MEGF10: variants seen among roughly 807,000 people sequenced by gnomAD.
The protein encoded by MEGF10 is multiple epidermal growth factor-like domains protein 10.
In MEGF10, 86 loss-of-function variants were observed where a neutral mutation model predicts 147.5. The observed-to-expected ratio is 0.58, with a 90% CI of 0.49 to 0.70. The LOEUF (loss-of-function observed/expected upper bound fraction) is 0.70. MEGF10 is among the 30% of genes least tolerant of loss of function. MEGF10 has a pLI of 0.00. For missense variants in MEGF10, 1,329 were observed against 1,487.3 expected (o/e 0.89, Z 1.75); for synonymous variants, 478 against 525.5 (o/e 0.91, Z 1.24).
At chr5:127,365,084 T>C (rs1015250663) in intron 4 of MEGF10, among the ~76,000 whole-genome samples, 1 of 152,208 alleles carries the variant, frequency 6.6e-6, no homozygotes, top group African/African-American at 2.4e-5. Flanking sequence ...GAAAATAAGA[T>C]TTGTGACTTA....
intron 14 of MEGF10, among the ~76,000 whole-genome samples, chr5:127,434,458 C>G (rs891205382): frequency 6.6e-6 from 1 of 152,178 alleles, no homozygotes; most frequent in Non-Finnish European, 1.5e-5. Context: ...AAGACTAAGA[C>G]ATTTGCTTGC....
At chr5:127,309,994 T>TTTCTTTCTTTCTTTCTTTCTTTCCTTCC (rs781685715) in intron 1 of MEGF10, among the ~76,000 whole-genome samples, 2 of 56,814 alleles carry the variant, frequency 3.5e-5, no homozygotes, top group Non-Finnish European at 8.4e-5. Context: ...TCTTTCTTTC[T>TTTCTTTCTTTCTTTCTTTCTTTCCTTCC]TTCCTTCCTT....
chr5:127,309,664 C>T (rs934134231), intron 1 of MEGF10, among the ~76,000 whole-genome samples: 1 of 152,126 alleles, frequency 6.6e-6, no homozygotes, highest in African/African-American at 2.4e-5. Context: ...GTAGTATATA[C>T]CACATTGTGT....
At position 127,310,010 on chromosome 5, in the gene MEGF10, CTTTCTTTTT is replaced by C. The variant is rs1221465387; in HGVS notation, c.-19+18957_-19+18965del. Among the ~76,000 whole-genome samples the C allele has an allele frequency of 3.4e-3, 149 of 43,698 alleles. 4 individuals carry two copies. Among genetic ancestry groups the C allele is most frequent in the African/African-American group, 7.3e-3 (85 of 11,574 alleles). The allele number at this position is 43,698 out of a possible 152,430, so 28.7% of individuals were successfully genotyped here. ...CTTTCTTTCTTTCCTTCCTTCCTTCCTTTCTTTTTTTCTTTCTTTCTTTCCTTCTTTCTT... is the reference window on the plus strand; with the variant it reads ...CTTTCTTTCTTTCCTTCCTTCCTTCCTTCTTTCTTTCTTTCCTTCTTTCTT... On this transcript the variant is annotated intron_variant, in intron 1 of 24. Coordinates refer to ENST00000503335, the MANE Select transcript of MEGF10 (RefSeq NM_001256545.2).
intron 14 of MEGF10, among the ~76,000 whole-genome samples, chr5:127,434,420 A>T (rs1157797050): frequency 2.0e-5 from 3 of 152,190 alleles, no homozygotes; most frequent in Admixed American, 2.0e-4. Flanking sequence ...GACTTGAGCT[A>T]ACTGGGGCCT....
chr5:127,395,959 C>G (rs530023277), intron 5 of MEGF10, among the ~76,000 whole-genome samples: 2 of 152,256 alleles, frequency 1.3e-5, no homozygotes, highest in East Asian at 3.9e-4. Flanking sequence ...TCTCCCTTTT[C>G]ATGGTTACTG....
At chr5:127,329,492 T>A (rs1328049102) in intron 1 of MEGF10, among the ~76,000 whole-genome samples, 1 of 152,204 alleles carries the variant, frequency 6.6e-6, no homozygotes, top group Non-Finnish European at 1.5e-5. Context: ...ATTTGAATGA[T>A]AAACTATTTC....
intron 2 of MEGF10, 28 bp from the exon 3 acceptor site, chr5:127,339,092 G>A (rs1007453972): frequency 3.5e-6 from 5 of 1,430,990 alleles, no homozygotes; most frequent in Admixed American, 3.5e-5. Flanking sequence ...GAGAAATACT[G>A]ATTTCTTATT....
At chr5:127,234,658 C>A in the MEGF10 span, among the ~76,000 whole-genome samples, 1 of 152,308 alleles carries the variant, frequency 6.6e-6, no homozygotes. Flanking sequence ...TCACATAGAT[C>A]ATACTGAATT....
chr5:127,307,526 T>C (rs1760069975), intron 1 of MEGF10, among the ~76,000 whole-genome samples: 1 of 152,204 alleles, frequency 6.6e-6, no homozygotes, highest in African/African-American at 2.4e-5. Flanking sequence ...CTAATATCTG[T>C]GGGGCAGCTG....
chr5:127,343,702 G>A lies in MEGF10; in HGVS notation c.319+3072G>A, dbSNP rs145043207. ...ATGGTGGCTCATGCCTGTAATCCCA[G>A]CACTTTGGGAGGCTAAGGTGGGAGG... On this transcript the variant is annotated intron_variant, in intron 4 of 24. Coordinates refer to ENST00000503335, the MANE Select transcript of MEGF10 (RefSeq NM_001256545.2). Among the ~76,000 whole-genome samples, 973 of 152,200 alleles carry A rather than the reference G, an allele frequency of 6.4e-3. 12 individuals are homozygous for A. The highest frequency in any genetic ancestry group is 0.023 in the African/African-American group (936 of 41,546).
chr5:127,248,982 TTCA>T, the MEGF10 span, among the ~76,000 whole-genome samples: 1 of 151,854 alleles, frequency 6.6e-6, no homozygotes, highest in Admixed American at 6.6e-5. Flanking sequence ...CTAAAGAAAG[TTCA>T]TCAAGCTGAA....
At chr5:127,423,840 C>T (rs753256384) in intron 13 of MEGF10, among the ~76,000 whole-genome samples, 33 of 151,566 alleles carry the variant, frequency 2.2e-4, no homozygotes, top group Non-Finnish European at 4.1e-4. Flanking sequence ...TTTTTCCTTT[C>T]TTGATGATGA....
At chr5:127,276,735 T>C in the MEGF10 span, among the ~76,000 whole-genome samples, 1 of 152,124 alleles carries the variant, frequency 6.6e-6, no homozygotes, top group Non-Finnish European at 1.5e-5. Flanking sequence ...AGGCAAAGAT[T>C]AAGAAGTTTT....
At chr5:127,328,743 G>A (rs1761140831) in intron 1 of MEGF10, among the ~76,000 whole-genome samples, 1 of 151,554 alleles carries the variant, frequency 6.6e-6, no homozygotes. Context: ...TGGGGTAATT[G>A]TTTATGAGTA....
intron 4 of MEGF10, among the ~76,000 whole-genome samples, chr5:127,369,637 AG>A (rs1762781329): frequency 6.6e-6 from 1 of 152,232 alleles, no homozygotes; most frequent in Admixed American, 6.5e-5. Context: ...AGAGTGAATT[AG>A]GCAATTTTCC....
intron 1 of MEGF10, among the ~76,000 whole-genome samples, chr5:127,295,184 T>C (rs1429218300): frequency 7.6e-6 from 1 of 132,284 alleles, no homozygotes; most frequent in Non-Finnish European, 1.6e-5. Flanking sequence ...GAAGATTGTA[T>C]AAAAGCCTAC....
intron 4 of MEGF10, among the ~76,000 whole-genome samples, chr5:127,347,374 A>G (rs2126813033): frequency 1.3e-5 from 2 of 152,220 alleles, no homozygotes; most frequent in Admixed American, 1.3e-4. Context: ...ATCCAAACAC[A>G]TTCCAATATA....
Position 127,380,061 on chromosome 5 carries a change from T to C in MEGF10, c.412+10059T>C, listed in dbSNP as rs570804354. The stretch of plus-strand genomic sequence containing the variant: ...AACTTTCTAAAAATACTTGATTTGT[T>C]AACTTGTTTTTTTTTTTTCTTGTCT... On this transcript the variant is annotated intron_variant, in intron 5 of 24. Coordinates refer to ENST00000503335, the MANE Select transcript of MEGF10 (RefSeq NM_001256545.2). Among the ~76,000 whole-genome samples the C allele has an allele frequency of 6.9e-3, 708 of 103,228 alleles. 7 individuals carry two copies. Among genetic ancestry groups the C allele is most frequent in the African/African-American group, 0.023 (686 of 29,716 alleles). The allele number at this position is 103,228 out of a possible 152,430, so 67.7% of individuals were successfully genotyped here.
Sources: gnomAD v4.1 joint callset for allele counts (sites outside exome capture counted in the v4.1 genomes callset) on GRCh38, gnomAD v4.1.1 for gene constraint, MANE v1.5 for transcripts, NCBI Gene and HGNC (gene_info 2026-07-23, HGNC 2026-07-21) for gene names.